The following METTL4 variants were observed in gnomAD, a reference collection of about 807,000 sequenced individuals.
The protein encoded by METTL4 is methyltransferase 4, N6-adenosine, also known as N(6)-adenine-specific methyltransferase METTL4.
In METTL4, 40 loss-of-function variants were observed where a neutral mutation model predicts 54.0. The observed-to-expected ratio is 0.74, with a 90% confidence interval of 0.58 to 0.96. The LOEUF (loss-of-function observed/expected upper bound fraction) is 0.96, where lower values mean the gene tolerates loss of function less well. METTL4 is among the 50% of genes least tolerant of loss of function. The probability of loss-of-function intolerance (pLI) is 0.00; values close to 1 mark genes in which losing one functional copy is unlikely to be tolerated. For missense variants in METTL4, 525 were observed against 549.0 expected (o/e 0.96, Z 0.44); for synonymous variants, 169 against 183.8 (o/e 0.92, Z 0.65).
At chr18:2,563,514 G>C (rs2143578529) in intron 3 of METTL4, among the ~76,000 whole-genome samples, 1 of 139,690 alleles carries the variant, frequency 7.2e-6, no homozygotes, top group Admixed American at 7.9e-5. Flanking sequence ...GAGATTGCTT[G>C]AACCCAGGAG....
At chr18:2,544,322 A>T (rs1244157807) in intron 7 of METTL4, 36 bp from the exon 8 acceptor site, 2 of 1,502,628 alleles carry the variant, frequency 1.3e-6, no homozygotes, top group Non-Finnish European at 1.8e-6. Flanking sequence ...ACTATATTTT[A>T]AAAAACAATT....
At chr18:2,563,265 TTAAAC>T (rs1297936522) in intron 3 of METTL4, among the ~76,000 whole-genome samples, 3 of 152,184 alleles carry the variant, frequency 2.0e-5, no homozygotes, top group Non-Finnish European at 2.9e-5. Flanking sequence ...TGTTAAATAT[TTAAAC>T]TAATAGAAGT....
chr18:2,565,470 T>A (rs1198184564), intron 2 of METTL4, among the ~76,000 whole-genome samples: 1 of 152,106 alleles, frequency 6.6e-6, no homozygotes, highest in Non-Finnish European at 1.5e-5. Context: ...TGTATCTATA[T>A]AACAAACCTA....
intron 3 of METTL4, among the ~76,000 whole-genome samples, chr18:2,559,687 C>A (rs2072287973): frequency 6.6e-6 from 1 of 152,176 alleles, no homozygotes; most frequent in Admixed American, 6.5e-5. Context: ...GATAACATGA[C>A]TTCATGCTAA....
intron 2 of METTL4, among the ~76,000 whole-genome samples, chr18:2,566,300 T>C (rs2072417636): frequency 6.6e-6 from 1 of 152,036 alleles, no homozygotes; most frequent in Non-Finnish European, 1.5e-5. Flanking sequence ...AACGGGTATA[T>C]TTACCACAGG....
chr18:2,564,398 A>C (rs2072371807), intron 2 of METTL4, among the ~76,000 whole-genome samples: 1 of 152,242 alleles, frequency 6.6e-6, no homozygotes, highest in Admixed American at 6.5e-5. Flanking sequence ...CCCATGAAAT[A>C]CAAGGAAACT....
Position 2,544,653 on chromosome 18 carries a change from C to A in METTL4, c.1181G>T (p.Arg394Met), listed in dbSNP as rs1296800057. ...AATTTTGAAAAATCACCTTTCCTAC[C>A]TCAATGGTAGAGCAGTTTTTTCTTG... ...RVQEKTALPL[R>M]NADVNVLPIP... Residue 394 changes from arginine to methionine, a missense_variant and splice_region_variant, in exon 7 of 9, where the codon AGG (arginine) becomes ATG (methionine). Physicochemically the swap from Arg to Met is moderately conservative, Grantham distance 91. Transcript: ENST00000574538. 4.4e-6 allele frequency: 7 copies of A among 1,590,748 alleles called. No homozygotes were observed. Among genetic ancestry groups the A allele is most frequent in the Non-Finnish European group, 4.3e-6 (5 of 1,164,212 alleles).
chr18:2,548,612 T>C (rs1306225173), intron 5 of METTL4, among the ~76,000 whole-genome samples: 1 of 152,172 alleles, frequency 6.6e-6, no homozygotes. Flanking sequence ...CCCACTTCCA[T>C]AATCCACTCC....
chr18:2,564,547 G>C (rs2072374218), intron 2 of METTL4, among the ~76,000 whole-genome samples: 1 of 152,170 alleles, frequency 6.6e-6, no homozygotes, highest in Admixed American at 6.5e-5. Context: ...TGACTGATGA[G>C]GGTTAGGTAT....
chr18:2,559,814 C>T (rs146563729), intron 3 of METTL4, among the ~76,000 whole-genome samples: 92 of 152,286 alleles, frequency 6.0e-4, no homozygotes, highest in Middle Eastern at 6.8e-3. Context: ...CGGCTTACCG[C>T]AACCTCCACC....
chr18:2,554,995 T>C lies in METTL4; in HGVS notation c.503A>G (p.Glu168Gly). 1 of 1,614,044 alleles carries C rather than the reference T, an allele frequency of 6.2e-7. No individual in the cohort carries two copies. Residue 168 changes from glutamate (E) to glycine (G), a missense_variant, in exon 4 of 9, where the codon GAA becomes GGA. Glu to Gly is a moderately conservative substitution (Grantham distance 98, BLOSUM62 -2). Coordinates refer to ENST00000574538, the MANE Select transcript of METTL4 (RefSeq NM_022840.5). ...ILDGSLQLIQ[E>G]GLKSGFLYPL... Reference sequence around the variant, plus strand: ...ATAAAGAAAACCACTTTTGAGACCTTCCTGGATCAACTGTAAAGATCCATC... The same window carrying C: ...ATAAAGAAAACCACTTTTGAGACCTCCCTGGATCAACTGTAAAGATCCATC...
chr18:2,547,070 T>G (rs985636659), intron 6 of METTL4, among the ~76,000 whole-genome samples: 1 of 152,170 alleles, frequency 6.6e-6, no homozygotes, highest in African/African-American at 2.4e-5. Flanking sequence ...TTGTTTGTTG[T>G]TTTTTAAACT....
intron 8 of METTL4, chr18:2,540,597 T>C (rs1323817229): frequency 2.8e-5 from 28 of 985,290 alleles, no homozygotes; most frequent in Non-Finnish European, 3.3e-5. Context: ...TGGGCTTTGA[T>C]GGGTTCTAGG....
chr18:2,570,996 T>C (rs1396609633), intron 1 of METTL4, among the ~76,000 whole-genome samples, 153 bp downstream of exon 1: 1 of 151,998 alleles, frequency 6.6e-6, no homozygotes, highest in East Asian at 1.9e-4. Flanking sequence ...CCCCAAACAC[T>C]TGGATTCTTC....
Position 2,556,447 on chromosome 18 carries a change from A to T in METTL4, c.460-1409T>A, listed in dbSNP as rs138205064. Among the ~76,000 whole-genome samples the T allele has an allele frequency of 4.6e-3, 699 of 152,320 alleles. 7 individuals carry two copies. The highest frequency in any genetic ancestry group is 0.016 in the African/African-American group (663 of 41,584). On this transcript the variant is annotated intron_variant, in intron 3 of 8. Transcript: ENST00000574538. The stretch of plus-strand genomic sequence containing the variant: ...ATATTTAAACAAATATGAAAATATG[A>T]ACTACCCAAAAAGCTAAAGTAGAAA...
At chr18:2,570,107 T>C (rs1317898095) in intron 1 of METTL4, among the ~76,000 whole-genome samples, 1 of 152,236 alleles carries the variant, frequency 6.6e-6, no homozygotes, top group Non-Finnish European at 1.5e-5. Flanking sequence ...TTTCCTGCAA[T>C]TGTGCTTGCT....
intron 2 of METTL4, among the ~76,000 whole-genome samples, chr18:2,565,677 G>A (rs1188281353): frequency 6.6e-6 from 1 of 152,072 alleles, no homozygotes; most frequent in Non-Finnish European, 1.5e-5. Flanking sequence ...ATCAGGGAGG[G>A]ATTATGTTTA....
rs2072212626 is a variant in METTL4 at position 2,554,775 on chromosome 18, G to T, written c.723C>A (p.Asn241Lys). The T allele has an allele frequency of 6.2e-7, 1 of 1,613,744 alleles. No individual in the cohort carries two copies. Among genetic ancestry groups the T allele is most frequent in the Non-Finnish European group, 8.5e-7 (1 of 1,179,880 alleles). ...AAGTAATCACTTTTGTAAAGCTAGA[G>T]TTGTTTTCAACAACTCGCAAAAATA... Reference protein sequence around the residue: ...QDLFLRVVENNSSFTKVITLM... With the variant: ...QDLFLRVVENKSSFTKVITLM... Residue 241 changes from asparagine (N) to lysine (K), a missense_variant, in exon 4 of 9, where the codon AAC becomes AAA. Transcript: ENST00000574538.
In METTL4 at chr18:2,566,838, T is replaced by C; in HGVS notation, c.379A>G (p.Ile127Val). The C allele has an allele frequency of 6.4e-7, 1 of 1,567,188 alleles. No homozygotes were observed. The highest frequency in any genetic ancestry group is 8.6e-7 in the Non-Finnish European group (1 of 1,156,810). ...CTTTCTACCTTCCCAATAATAGAAA[T>C]GGAGATTTCTTTTTTAACACCATTC... ...LMNGVKKEISISIIGKKRKRC... is the reference protein window; with the variant it reads ...LMNGVKKEISVSIIGKKRKRC... The change falls in exon 2 of 9, where the codon ATT (isoleucine) becomes GTT (valine). Residue 127 changes from isoleucine to valine, a missense_variant. Coordinates refer to ENST00000574538, the MANE Select transcript of METTL4 (RefSeq NM_022840.5).
Sources: gnomAD v4.1 joint callset for allele counts (sites outside exome capture counted in the v4.1 genomes callset) on GRCh38, gnomAD v4.1.1 for gene constraint, MANE v1.5 for transcripts, NCBI Gene and HGNC (gene_info 2026-07-23, HGNC 2026-07-21) for gene names.